The following GRM7 variants were observed in gnomAD, a reference collection of about 807,000 sequenced individuals.
The protein encoded by GRM7 is metabotropic glutamate receptor 7.
In GRM7, 35 loss-of-function variants were observed where a neutral mutation model predicts 84.5. The observed-to-expected ratio is 0.41, with a 90% CI of 0.32 to 0.55. The LOEUF (loss-of-function observed/expected upper bound fraction) is 0.55. Among genes scored for constraint, GRM7 ranks in the 20% least tolerant of loss-of-function variants. The pLI, the probability that GRM7 is intolerant of heterozygous loss-of-function variation, is 0.19. For missense variants in GRM7, 1,003 were observed against 1,194.6 expected (o/e 0.84, Z 2.36); for synonymous variants, 487 against 455.1 (o/e 1.07, Z -0.89).
intron 7 of GRM7, among the ~76,000 whole-genome samples, chr3:7,528,504 G>A (rs1700895963): frequency 6.6e-6 from 1 of 151,638 alleles, no homozygotes; most frequent in South Asian, 2.1e-4. Flanking sequence ...TGATTTTTGG[G>A]GTCTCAGTTT....
chr3:7,382,580 C>T (rs534387881), intron 4 of GRM7, among the ~76,000 whole-genome samples: 1 of 152,068 alleles, frequency 6.6e-6, no homozygotes, highest in Non-Finnish European at 1.5e-5. Flanking sequence ...TTTGAGTTCA[C>T]TCTGAATAAT....
intron 2 of GRM7, among the ~76,000 whole-genome samples, chr3:7,174,031 T>C (rs2125090671): frequency 6.6e-6 from 1 of 152,318 alleles, no homozygotes; most frequent in African/African-American, 2.4e-5. Flanking sequence ...AAGAGAGATA[T>C]TTCTTTTGAG....
intron 4 of GRM7, among the ~76,000 whole-genome samples, chr3:7,326,757 C>T (rs901278866): frequency 9.9e-5 from 15 of 151,592 alleles, no homozygotes; most frequent in African/African-American, 3.2e-4. Flanking sequence ...TTGCTTGAAC[C>T]CGGGAGGTGG....
intron 1 of GRM7, among the ~76,000 whole-genome samples, chr3:6,938,248 G>T (rs1167496948): frequency 6.6e-6 from 1 of 152,152 alleles, no homozygotes; most frequent in Non-Finnish European, 1.5e-5. Context: ...AGTGCTATAT[G>T]GTCTGGCATT....
At chr3:7,540,181 A>C (rs1367284820) in intron 7 of GRM7, among the ~76,000 whole-genome samples, 1 of 152,282 alleles carries the variant, frequency 6.6e-6, no homozygotes, top group East Asian at 1.9e-4. Flanking sequence ...TATTTTTTCA[A>C]AATGTTAAAA....
chr3:7,102,123 T>C (rs1699132409), intron 1 of GRM7, among the ~76,000 whole-genome samples: 1 of 151,788 alleles, frequency 6.6e-6, no homozygotes, highest in Non-Finnish European at 1.5e-5. Context: ...TACCCACTTA[T>C]TTACCATTTC....
At chr3:7,230,774 C>T (rs1389919304) in intron 2 of GRM7, among the ~76,000 whole-genome samples, 1 of 152,134 alleles carries the variant, frequency 6.6e-6, no homozygotes, top group East Asian at 1.9e-4. Flanking sequence ...TTTTTGCAAA[C>T]AGCATTAAGT....
chr3:6,864,018 G>T (rs143798738), intron 1 of GRM7, among the ~76,000 whole-genome samples: 1 of 152,236 alleles, frequency 6.6e-6, no homozygotes, highest in African/African-American at 2.4e-5. Flanking sequence ...AAAAAGGGGT[G>T]GGGGGCTGGC....
At chr3:7,532,929 C>T (rs1701100766) in intron 7 of GRM7, among the ~76,000 whole-genome samples, 1 of 148,072 alleles carries the variant, frequency 6.8e-6, no homozygotes, top group Non-Finnish European at 1.5e-5. Flanking sequence ...GTAAAGGGAT[C>T]AATGCAACAA....
intron 5 of GRM7, among the ~76,000 whole-genome samples, chr3:7,426,522 C>G (rs762803634): frequency 6.6e-6 from 1 of 152,076 alleles, no homozygotes. Context: ...CAATCACTCA[C>G]TCTTCACATC....
chr3:7,086,048 T>C (rs987713331), intron 1 of GRM7, among the ~76,000 whole-genome samples: 1 of 109,492 alleles, frequency 9.1e-6, no homozygotes, highest in African/African-American at 5.0e-5. Context: ...TTTGCAAAAA[T>C]TATTTTTTTT....
chr3:7,126,218 C>T (rs1382529539), intron 1 of GRM7, among the ~76,000 whole-genome samples: 2 of 152,076 alleles, frequency 1.3e-5, no homozygotes, highest in African/African-American at 4.8e-5. Flanking sequence ...AATAATAGGC[C>T]AGTGATTTCT....
chr3:6,917,494 CTTT>C (rs35883512), intron 1 of GRM7, among the ~76,000 whole-genome samples: 33 of 126,340 alleles, frequency 2.6e-4, no homozygotes, highest in Non-Finnish European at 2.7e-4. Flanking sequence ...TTGTTAATTG[CTTT>C]TTTTTTTTTT....
At chr3:7,736,345 A>G (rs894971644) in intron 9 of GRM7, among the ~76,000 whole-genome samples, 1 of 152,206 alleles carries the variant, frequency 6.6e-6, no homozygotes, top group African/African-American at 2.4e-5. Flanking sequence ...ATTGTTTTGT[A>G]GGTATCATCT....
intron 4 of GRM7, among the ~76,000 whole-genome samples, chr3:7,378,739 T>C (rs1053551722): frequency 4.6e-5 from 7 of 152,182 alleles, no homozygotes; most frequent in African/African-American, 1.7e-4. Context: ...AAACTTCTGA[T>C]TTTTATTATG....
rs149844798 is a variant in GRM7, at chr3:7,486,808, G to A, written c.1515+25086G>A. On this transcript the variant is annotated intron_variant, in intron 7 of 9. Transcript: ENST00000357716. This position sits in a 1 kb window ranked among gnomAD's most constrained non-coding sequence, Gnocchi z 5.5. ...AAAATGGATGCTGGGAAGTGGAGTT[G>A]TTGCTATGCCTGAAAATGTAGAAGT... Among the ~76,000 whole-genome samples the A allele has an allele frequency of 2.6e-5, 4 of 152,256 alleles. No homozygotes were observed. The highest frequency in any genetic ancestry group is 9.6e-5 in the African/African-American group (4 of 41,556).
At position 7,402,330 on chromosome 3, in the gene GRM7, G is replaced by C. The variant is rs1050680093; in HGVS notation, c.1034-12693G>C. Among the ~76,000 whole-genome samples, 3 of 152,298 alleles carry C rather than the reference G, an allele frequency of 2.0e-5. 1 individual carries two copies. In the South Asian group the frequency reaches 6.2e-4, roughly 32 times the overall value. ...GTGATTTCCTAGAAAACAAGATGTAGTTGTCTAAAAGTGTAAGAGGTCAGA... is the reference window on the plus strand; with the variant it reads ...GTGATTTCCTAGAAAACAAGATGTACTTGTCTAAAAGTGTAAGAGGTCAGA... On this transcript the variant is annotated intron_variant, in intron 4 of 9. Transcript: ENST00000357716.
Position 7,426,311 on chromosome 3 carries a change from G to T in GRM7, c.1174+11148G>T, listed in dbSNP as rs548743820. Reference sequence around the variant, plus strand: ...ATTTTGTATTTTTAGTAGAGACAGGGTTTCTCTATGTTGGTCAGGTTTCTA... The same window carrying T: ...ATTTTGTATTTTTAGTAGAGACAGGTTTTCTCTATGTTGGTCAGGTTTCTA... On this transcript the variant is annotated intron_variant, in intron 5 of 9. Transcript: ENST00000357716. 2.8e-4 allele frequency among the ~76,000 whole-genome samples: 43 copies of T among 152,068 alleles called. No individual in the cohort carries two copies. The South Asian group carries it at 6.6e-3, about 23-fold the overall frequency.
intron 1 of GRM7, among the ~76,000 whole-genome samples, chr3:6,870,952 A>G (rs1264975302): frequency 6.6e-6 from 1 of 152,196 alleles, no homozygotes; most frequent in Admixed American, 6.5e-5. Flanking sequence ...CTAGAGATAC[A>G]TTGTGTAAAA....
Sources: gnomAD v4.1 joint callset for allele counts (sites outside exome capture counted in the v4.1 genomes callset) on GRCh38, gnomAD v4.1.1 for gene constraint, Gnocchi (gnomAD v3.1) non-coding constraint, MANE v1.5 for transcripts, NCBI Gene and HGNC (gene_info 2026-07-23, HGNC 2026-07-21) for gene names.